MCM6: variants seen among roughly 807,000 people sequenced by gnomAD.
MCM6 encodes the protein minichromosome maintenance complex component 6.
MCM6 carries 46 observed loss-of-function variants against 94.3 expected under a neutral mutation model. That is an observed-to-expected ratio of 0.49 (90% CI 0.39 to 0.62). The LOEUF (loss-of-function observed/expected upper bound fraction) is 0.62. Ranked by LOEUF, MCM6 falls within the 20% of genes least tolerant of loss-of-function variation. The pLI is 0.00. For missense variants in MCM6, 865 were observed against 1,017.9 expected (o/e 0.85, Z 2.04); for synonymous variants, 335 against 351.9 (o/e 0.95, Z 0.54).
rs1221639567 is a variant in MCM6, at chr2:135,862,616, T to C, written c.1211A>G (p.Gln404Arg). The C allele has an allele frequency of 6.2e-7, 1 of 1,614,130 alleles. No homozygotes were observed. Among genetic ancestry groups the C allele is most frequent in the South Asian group, 1.1e-5 (1 of 91,076 alleles). The change falls in exon 8 of 17, where the codon CAA becomes CGA. Residue 404 changes from glutamine (Q) to arginine (R), a missense_variant. By Grantham distance (43) the Gln-to-Arg change is conservative (BLOSUM62 1). Transcript: ENST00000264156. The part of the protein sequence containing the change: ...IVGDPSTAKS[Q>R]FLKHVEEFSP... ...TCAGGCAAACGCTTACTTGAGAAAT[T>C]GGCTCTTAGCTGTACTTGGGTCACC...
intron 8 of MCM6, among the ~76,000 whole-genome samples, chr2:135,860,660 T>C (rs533014819): frequency 6.6e-6 from 1 of 152,284 alleles, no homozygotes; most frequent in East Asian, 1.9e-4. Flanking sequence ...ATCCAACACC[T>C]TTTCATTACA....
rs931814706 is a variant in MCM6 at position 135,840,027 on chromosome 2, A to C, written c.*808T>G. On this transcript the variant is annotated 3_prime_UTR_variant, in exon 17 of 17. Transcript: ENST00000264156. Reference sequence around the variant, plus strand: ...TACTGATCATAGCTAAGTCTCAGGAACTGTTAGTATCATAAACGGTAATAA... The same window carrying C: ...TACTGATCATAGCTAAGTCTCAGGACCTGTTAGTATCATAAACGGTAATAA... The C allele has an allele frequency of 6.6e-6, 1 of 152,224 alleles. No individual in the cohort carries two copies. Among genetic ancestry groups the C allele is most frequent in the African/African-American group, 2.4e-5 (1 of 41,452 alleles). 9.4% of individuals were successfully genotyped at this position (152,224 alleles called of 1,614,324 possible). A position where few individuals can be genotyped will look rare whatever the true frequency, so the allele number is the denominator to read the frequency against.
chr2:135,842,462 C>G lies in MCM6; in HGVS notation c.2350-1511G>C, dbSNP rs116585590. ...CACATAATAGGAAAATTTAACCATT[C>G]AACATATATTTGATCCTGCTATGTG... On this transcript the variant is annotated intron_variant, in intron 16 of 16. Transcript: ENST00000264156. Among the ~76,000 whole-genome samples, 599 of 152,300 alleles carry G rather than the reference C, an allele frequency of 3.9e-3. 6 individuals are homozygous for G. The highest frequency in any genetic ancestry group is 0.014 in the African/African-American group (568 of 41,562).
chr2:135,852,338 C>A (rs1286766425), intron 12 of MCM6, among the ~76,000 whole-genome samples: 1 of 152,060 alleles, frequency 6.6e-6, no homozygotes, highest in Non-Finnish European at 1.5e-5. Context: ...AGGTAAGAAT[C>A]CTGGGTCCAG....
chr2:135,855,193 AT>A (rs1418256481), intron 11 of MCM6, among the ~76,000 whole-genome samples: 4 of 152,238 alleles, frequency 2.6e-5, no homozygotes, highest in Non-Finnish European at 5.9e-5. Flanking sequence ...TTTTAAAAAA[AT>A]CTTGAATGTT....
In MCM6 at chr2:135,852,790, G is replaced by T. The variant is rs905228823; in HGVS notation, c.1752C>A (p.Pro584=). 1.3e-6 allele frequency: 2 copies of T among 1,576,758 alleles called. No individual in the cohort carries two copies. Among genetic ancestry groups the T allele is most frequent in the African/African-American group, 1.4e-5 (1 of 72,956 alleles). The change falls in exon 12 of 17, where the codon CCC becomes CCA. Residue 584 remains proline (P), a synonymous_variant. Coordinates refer to ENST00000264156, the MANE Select transcript of MCM6 (RefSeq NM_005915.6). ...CCAGTACAAAAGGGTAGGTTACCTT[G>T]GGTTTAAACTGTCTTGCAAAGAGAA... ...RYLLFARQFK[P]KISKESEDFI...
Position 135,873,392 on chromosome 2 carries a change from G to T in MCM6, c.108-549C>A, listed in dbSNP as rs552544927. Among the ~76,000 whole-genome samples, 8 of 152,288 alleles carry T rather than the reference G, an allele frequency of 5.3e-5. No homozygotes were observed. The South Asian group carries it at 1.7e-3, about 32-fold the overall frequency. On this transcript the variant is annotated intron_variant, in intron 1 of 16. Coordinates refer to ENST00000264156, the MANE Select transcript of MCM6 (RefSeq NM_005915.6). ...AGGGAATTTGCAAACTAACAAATTA[G>T]TCAGGGATTTAAGAAGCAGAACAGA...
intron 8 of MCM6, among the ~76,000 whole-genome samples, chr2:135,861,220 A>C (rs918692783): frequency 6.6e-6 from 1 of 152,236 alleles, no homozygotes; most frequent in Non-Finnish European, 1.5e-5. Flanking sequence ...AAAACAAAGA[A>C]AAGGCAGCTT....
Position 135,862,015 on chromosome 2 carries a change from T to C in MCM6, c.1220+592A>G, listed in dbSNP as rs372448519. 7.2e-5 allele frequency among the ~76,000 whole-genome samples: 11 copies of C among 152,290 alleles called. No homozygotes were observed. In the East Asian group the frequency reaches 1.5e-3, roughly 21 times the overall value. ...AGAGGAAACAAACAAAAAATGTATA[T>C]AACATTATGATGTTCACTGCATCTA... is the stretch of plus-strand genomic sequence containing the variant. On this transcript the variant is annotated intron_variant, in intron 8 of 16. Transcript: ENST00000264156.
chr2:135,857,836 G>T, intron 10 of MCM6, 61 bp downstream of exon 10: 6 of 1,376,082 alleles, frequency 4.4e-6, no homozygotes, highest in Non-Finnish European at 4.1e-6. Flanking sequence ...AACTTCTCTA[G>T]TACTACATTA....
intron 4 of MCM6, among the ~76,000 whole-genome samples, chr2:135,867,074 T>C (rs1007133634): frequency 2.6e-5 from 4 of 152,232 alleles, no homozygotes; most frequent in African/African-American, 9.6e-5. Context: ...AGCTTTAAGA[T>C]AATTTTACAG....
intron 1 of MCM6, among the ~76,000 whole-genome samples, chr2:135,875,961 G>A (rs1558765576): frequency 1.3e-5 from 2 of 152,206 alleles, no homozygotes; most frequent in Non-Finnish European, 2.9e-5. Flanking sequence ...CGGTCACCGA[G>A]GGCTGTGCAA....
chr2:135,866,864 C>A lies in MCM6; in HGVS notation c.616-136G>T, dbSNP rs1272557032. ...TTAGCAGACTTTTCACATGTACCAA[C>A]ATTTATCCTAAAAATTATCTACTCT... On this transcript the variant is annotated intron_variant, in intron 4 of 16. Transcript: ENST00000264156. 8.1e-6 allele frequency: 5 copies of A among 619,188 alleles called. No individual in the cohort carries two copies. In the East Asian group the frequency reaches 1.2e-4, roughly 15 times the overall value. 38.4% of individuals were successfully genotyped at this position (619,188 alleles called of 1,614,324 possible). A position where few individuals can be genotyped will look rare whatever the true frequency, so the allele number is the denominator to read the frequency against.
At position 135,866,548 on chromosome 2, in the gene MCM6, C is replaced by G; in HGVS notation, c.781+15G>C. 1.3e-6 allele frequency: 2 copies of G among 1,596,732 alleles called. No homozygotes were observed. Among genetic ancestry groups the G allele is most frequent in the Non-Finnish European group, 1.7e-6 (2 of 1,173,526 alleles). On this transcript the variant is annotated intron_variant, in intron 5 of 16. Transcript: ENST00000264156. ...TAACTGAGAATTTGTTAAATTTGAG[C>G]CACAGATTACTGACCTGGTGTGCTA...
Position 135,840,834 on chromosome 2 carries a change from C to G in MCM6, c.*1G>C. On this transcript the variant is annotated 3_prime_UTR_variant, in exon 17 of 17. Transcript: ENST00000264156. ...AGCTCTGGTCAGTTACTTTCACTAT[C>G]TCAATCTTCGAGCAAGTAGTTAGGG... 1 of 1,604,492 alleles carries G rather than the reference C, an allele frequency of 6.2e-7. No individual in the cohort carries two copies. Among genetic ancestry groups the G allele is most frequent in the Non-Finnish European group, 8.5e-7 (1 of 1,171,200 alleles).
chr2:135,867,819 G>A (rs2105590046), intron 4 of MCM6, among the ~76,000 whole-genome samples: 2 of 152,250 alleles, frequency 1.3e-5, no homozygotes, highest in African/African-American at 4.8e-5. Context: ...GAAGTCAGGA[G>A]ATCGAGACCA....
chr2:135,845,563 C>T (rs1679653931), intron 15 of MCM6, among the ~76,000 whole-genome samples: 1 of 152,176 alleles, frequency 6.6e-6, no homozygotes, highest in African/African-American at 2.4e-5. Flanking sequence ...AGAGCAAATA[C>T]TGTGATGACA....
intron 16 of MCM6, among the ~76,000 whole-genome samples, chr2:135,843,504 G>T (rs1257186275): frequency 6.6e-6 from 1 of 152,054 alleles, no homozygotes; most frequent in African/African-American, 2.4e-5. Context: ...AGGCCAAAGT[G>T]AGCGTATCGC....
intron 12 of MCM6, among the ~76,000 whole-genome samples, 180 bp downstream of exon 12, chr2:135,852,607 A>C (rs1679797975): frequency 6.6e-6 from 1 of 152,050 alleles, no homozygotes; most frequent in Admixed American, 6.6e-5. Flanking sequence ...TTTTTTTTAC[A>C]GTTCCCTTTC....
Sources: allele counts gnomAD v4.1 joint callset (sites outside exome capture counted in the v4.1 genomes callset), GRCh38; gene constraint gnomAD v4.1.1; transcripts MANE v1.5; gene names NCBI Gene and HGNC (gene_info 2026-07-23, HGNC 2026-07-21).